Variants in NAV2 observed in about 807,000 individuals in gnomAD.
NAV2 encodes neuron navigator 2, also known as helicase, APC down-regulated 1.
A neutral mutation model predicts 223.2 loss-of-function variants in NAV2; 54 were observed. The observed-to-expected ratio is 0.24, with a 90% CI of 0.19 to 0.30. NAV2 has a LOEUF of 0.30. Ranked by LOEUF, NAV2 falls within the 10% of genes least tolerant of loss-of-function variation. The pLI is 1.00. For missense variants in NAV2, 2,806 were observed against 3,147.5 expected, an observed-to-expected ratio of 0.89 and a Z score of 2.60; for synonymous variants, 1,279 against 1,239.3, an observed-to-expected ratio of 1.03 and a Z score of -0.67.
intron 3 of NAV2, among the ~76,000 whole-genome samples, chr11:19,846,667 G>T (rs966276778): frequency 3.3e-5 from 5 of 152,184 alleles, no homozygotes; most frequent in Non-Finnish European, 4.4e-5. Context: ...ACTCTGCTGT[G>T]GGCTGGCATA....
chr11:19,613,619 A>G (rs1186638926), intron 1 of NAV2, among the ~76,000 whole-genome samples: 4 of 152,218 alleles, frequency 2.6e-5, no homozygotes, highest in African/African-American at 9.6e-5. Flanking sequence ...AATCCTCTCC[A>G]GGACTTGCAG....
intron 1 of NAV2, among the ~76,000 whole-genome samples, chr11:19,470,993 A>T (rs1386288466): frequency 6.6e-6 from 1 of 152,106 alleles, no homozygotes; most frequent in Non-Finnish European, 1.5e-5. Flanking sequence ...TCTGGAAGGG[A>T]TCTGGTGGGG....
chr11:19,389,390 A>G (rs1772306591), intron 1 of NAV2, among the ~76,000 whole-genome samples: 1 of 152,260 alleles, frequency 6.6e-6, no homozygotes, highest in South Asian at 2.1e-4. Context: ...TATTGGAAGC[A>G]CGATGTTCTT....
intron 2 of NAV2, among the ~76,000 whole-genome samples, chr11:19,837,767 G>C (rs2060310559): frequency 6.6e-6 from 1 of 152,196 alleles, no homozygotes; most frequent in Non-Finnish European, 1.5e-5. Context: ...AGACTAAAGA[G>C]ATGTGACAGC....
chr11:19,373,074 T>G (rs1848525835), intron 1 of NAV2, among the ~76,000 whole-genome samples: 1 of 152,212 alleles, frequency 6.6e-6, no homozygotes, highest in Non-Finnish European at 1.5e-5. Context: ...ACACAGATCA[T>G]CTTTCCATGT....
chr11:19,598,034 G>T (rs1451119898), intron 1 of NAV2, among the ~76,000 whole-genome samples: 1 of 152,246 alleles, frequency 6.6e-6, no homozygotes, highest in Non-Finnish European at 1.5e-5. Flanking sequence ...CCAATGGCAT[G>T]CCCTTCTGCT....
At chr11:19,418,667 C>A (rs889166676) in intron 1 of NAV2, among the ~76,000 whole-genome samples, 1 of 151,952 alleles carries the variant, frequency 6.6e-6, no homozygotes, top group Non-Finnish European at 1.5e-5. Flanking sequence ...TGGATTGAGA[C>A]GGGGTTGGAA....
intron 1 of NAV2, among the ~76,000 whole-genome samples, chr11:19,375,325 T>C (rs1051611266): frequency 6.6e-6 from 1 of 152,188 alleles, no homozygotes; most frequent in Non-Finnish European, 1.5e-5. Flanking sequence ...GCAGGTGTGT[T>C]TAAATTTATC....
chr11:19,825,121 A>T lies in NAV2; in HGVS notation c.268-7363A>T, dbSNP rs2059578736. Among the ~76,000 whole-genome samples, 3 of 151,780 alleles carry T rather than the reference A, an allele frequency of 2.0e-5. No individual in the cohort carries two copies. The South Asian group carries it at 6.3e-4, about 32-fold the overall frequency. On this transcript the variant is annotated intron_variant, in intron 1 of 37. Transcript: ENST00000349880. ...AGCCAGGCCAACATGGTGAAACCCC[A>T]TCTCTACCAAAAATACAAAAATTAG...
intron 1 of NAV2, among the ~76,000 whole-genome samples, chr11:19,812,920 T>TGCC (rs1262045819): frequency 5.3e-5 from 8 of 152,184 alleles, no homozygotes; most frequent in Non-Finnish European, 1.2e-4. Flanking sequence ...GCCAGGCCCC[T>TGCC]ATCTCTGAGC....
At chr11:19,929,023 A>T (rs2045061585) in intron 6 of NAV2, among the ~76,000 whole-genome samples, 2 of 152,090 alleles carry the variant, frequency 1.3e-5, no homozygotes, top group African/African-American at 2.4e-5. Context: ...GGGAGGCTGA[A>T]GTGGCTGGAT....
intron 1 of NAV2, among the ~76,000 whole-genome samples, chr11:19,828,744 G>T (rs2059784169): frequency 6.6e-6 from 1 of 152,076 alleles, no homozygotes; most frequent in South Asian, 2.1e-4. Flanking sequence ...TTAATTCAGT[G>T]GGAAGTGGGG....
intron 1 of NAV2, among the ~76,000 whole-genome samples, chr11:19,622,549 G>A (rs1424497489): frequency 1.3e-5 from 2 of 152,142 alleles, no homozygotes; most frequent in East Asian, 1.9e-4. Context: ...TTGGTTTAAA[G>A]TCTGTTTTAT....
At chr11:19,920,740 CATTCACAAAGTTCGATGATTGCATA>C (rs1411980806) in intron 6 of NAV2, among the ~76,000 whole-genome samples, 13 of 152,168 alleles carry the variant, frequency 8.5e-5, no homozygotes, top group Non-Finnish European at 1.9e-4. Flanking sequence ...GACTTGAACC[CATTCACAAAGTTCGATGATTGCATA>C]ATTCTAAGGG....
intron 4 of NAV2, among the ~76,000 whole-genome samples, chr11:19,878,126 C>T (rs1281754774): frequency 6.6e-6 from 1 of 152,180 alleles, no homozygotes; most frequent in Non-Finnish European, 1.5e-5. Flanking sequence ...GACTTTGCAT[C>T]CTGACTTGTC....
intron 1 of NAV2, among the ~76,000 whole-genome samples, chr11:19,553,328 G>C (rs1324399549): frequency 6.6e-6 from 1 of 152,210 alleles, no homozygotes; most frequent in African/African-American, 2.4e-5. Flanking sequence ...ATCGTCTTGA[G>C]CAGGGCTCTC....
At chr11:19,526,368 T>C (rs756045616) in intron 1 of NAV2, among the ~76,000 whole-genome samples, 2 of 152,134 alleles carry the variant, frequency 1.3e-5, no homozygotes, top group Non-Finnish European at 2.9e-5. Context: ...AGTTCTGTAA[T>C]TGGAATTCCC....
In NAV2 at chr11:20,016,923, A is replaced by G. The variant is rs575521990; in HGVS notation, c.2769-19036A>G. On this transcript the variant is annotated intron_variant, in intron 11 of 37. Coordinates refer to ENST00000349880, the MANE Select transcript of NAV2 (RefSeq NM_145117.5). ...CAGGAGGCTGAGGCATGAGAATTGCATGAACCTGGGAGGTGGAGGTTGCAG... is the reference window on the plus strand; with the variant it reads ...CAGGAGGCTGAGGCATGAGAATTGCGTGAACCTGGGAGGTGGAGGTTGCAG... 5.9e-5 allele frequency among the ~76,000 whole-genome samples: 9 copies of G among 152,112 alleles called. No individual in the cohort carries two copies. The East Asian group carries it at 1.7e-3, about 29-fold the overall frequency.
chr11:20,032,199 T>C lies in NAV2; in HGVS notation c.2769-3760T>C, dbSNP rs564096205. On this transcript the variant is annotated intron_variant, in intron 11 of 37. Coordinates refer to ENST00000349880, the MANE Select transcript of NAV2 (RefSeq NM_145117.5). ...CAAATATCGAGGCTGCCCTTGCTCA[T>C]TGTGGCCTTCCCTCGTGTCACTGCC... Among the ~76,000 whole-genome samples, 24 of 152,326 alleles carry C rather than the reference T, an allele frequency of 1.6e-4. No individual in the cohort carries two copies. In the East Asian group the frequency reaches 3.3e-3, roughly 21 times the overall value.
Sources: gnomAD v4.1 joint callset for allele counts (sites outside exome capture counted in the v4.1 genomes callset) on GRCh38, gnomAD v4.1.1 for gene constraint, MANE v1.5 for transcripts, NCBI Gene and HGNC (gene_info 2026-07-23, HGNC 2026-07-21) for gene names.